KLHL13: variants seen among roughly 807,000 people sequenced by gnomAD.
The protein encoded by KLHL13 is kelch-like protein 13.
KLHL13 carries 10 observed loss-of-function variants against 37.1 expected under a neutral mutation model. That is an observed-to-expected ratio of 0.27 (90% CI 0.17 to 0.46). The LOEUF is 0.46. KLHL13 is among the 20% of genes least tolerant of loss of function. The probability of loss-of-function intolerance (pLI) is 1.00; values close to 1 mark genes in which losing one functional copy is unlikely to be tolerated. For missense variants in KLHL13, 360 were observed against 509.3 expected (o/e 0.71, Z 2.82); for synonymous variants, 163 against 181.2 (o/e 0.90, Z 0.81).
intron 5 of KLHL13, among the ~76,000 whole-genome samples, chrX:117,902,378 C>G (rs1421047197): frequency 2.7e-5 from 3 of 111,916 alleles, no homozygotes; most frequent in Non-Finnish European, 5.7e-5. Context: ...CAAACTTTTA[C>G]ATTGAGAATG....
chrX:117,951,408 T>C (rs951640701), intron 1 of KLHL13, among the ~76,000 whole-genome samples: 1 of 112,080 alleles, frequency 8.9e-6, no homozygotes, highest in Non-Finnish European at 1.9e-5. Flanking sequence ...AGCTTGAAAG[T>C]AACATCTATT....
At chrX:118,063,038 G>C (rs762202430) in intron 1 of KLHL13, among the ~76,000 whole-genome samples, 3 of 111,598 alleles carry the variant, frequency 2.7e-5, no homozygotes, top group Non-Finnish European at 5.7e-5. Flanking sequence ...ACTGACTGCC[G>C]GTAGTGCTTT....
At chrX:117,932,966 G>T (rs1932537742) in intron 2 of KLHL13, among the ~76,000 whole-genome samples, 1 of 111,366 alleles carries the variant, frequency 9.0e-6, no homozygotes, top group African/African-American at 3.3e-5. Flanking sequence ...GATAATTAGT[G>T]TTGTTGTGTA....
chrX:117,961,117 T>C (rs1041638450), intron 1 of KLHL13, among the ~76,000 whole-genome samples: 2 of 112,009 alleles, frequency 1.8e-5, no homozygotes, highest in Non-Finnish European at 3.8e-5. Flanking sequence ...GCCTATTTTA[T>C]AAAATGTAGA....
At chrX:118,081,465 C>T (rs766020357) in intron 1 of KLHL13, among the ~76,000 whole-genome samples, 1 of 110,501 alleles carries the variant, frequency 9.0e-6, no homozygotes, top group South Asian at 3.9e-4. Context: ...TTTTTTTTAA[C>T]TGATACATAA....
intron 1 of KLHL13, among the ~76,000 whole-genome samples, chrX:118,089,588 A>G (rs866898362): frequency 1.2e-5 from 1 of 80,148 alleles, no homozygotes; most frequent in Admixed American, 1.4e-4. Context: ...AAGAAAAGAA[A>G]AGAGAGAGAG....
chrX:118,082,913 T>C (rs978538825), intron 1 of KLHL13, among the ~76,000 whole-genome samples: 16 of 111,651 alleles, frequency 1.4e-4, no homozygotes, highest in African/African-American at 3.9e-4. Context: ...GCTGTATATA[T>C]GTGTATTTGT....
chrX:117,905,410 C>G (rs185950479), intron 5 of KLHL13, among the ~76,000 whole-genome samples: 2 of 111,269 alleles, frequency 1.8e-5, no homozygotes, highest in East Asian at 2.8e-4. Flanking sequence ...CTAAGCCTCC[C>G]CTAGTTTCCC....
rs190855479 is a variant in KLHL13, at chrX:117,934,714, T to C, written c.240+10720A>G. Among the ~76,000 whole-genome samples, 260 of 110,260 alleles carry C rather than the reference T, an allele frequency of 2.4e-3. 1 individual carries two copies. Among genetic ancestry groups the C allele is most frequent in the African/African-American group, 8.2e-3 (251 of 30,474 alleles). ...ATAATATATATGTGTGTATGAACCC[T>C]TACTACTGAGTAATAAAAAGATAAA... On this transcript the variant is annotated intron_variant, in intron 2 of 6. Coordinates refer to ENST00000262820, the Ensembl canonical transcript of KLHL13.
Position 118,020,914 on chromosome X carries a change from T to C in KLHL13, c.-55-75339A>G, listed in dbSNP as rs759269861. Among the ~76,000 whole-genome samples, 6 of 98,689 alleles carry C rather than the reference T, an allele frequency of 6.1e-5. 1 individual carries two copies. The highest frequency in any genetic ancestry group is 2.3e-4 in the African/African-American group (6 of 26,522). 85.7% of individuals were successfully genotyped at this position (98,689 alleles called of 115,157 possible). A position where few individuals can be genotyped will look rare whatever the true frequency, so the allele number is the denominator to read the frequency against. ...GGACAGAAAACCAAACACCGCATAT[T>C]CTCACTCATAGGTGGGAATTGAACA... On this transcript the variant is annotated intron_variant, in intron 1 of 6. Coordinates refer to the KLHL13 transcript ENST00000371882.
intron 1 of KLHL13, among the ~76,000 whole-genome samples, chrX:118,101,458 A>G (rs1039157435): frequency 2.7e-5 from 3 of 111,770 alleles, no homozygotes; most frequent in African/African-American, 9.8e-5. Context: ...CACTACTTGT[A>G]ATACAGGTTG....
At chrX:118,089,106 G>A (rs1238609978) in intron 1 of KLHL13, among the ~76,000 whole-genome samples, 1 of 111,357 alleles carries the variant, frequency 9.0e-6, no homozygotes, top group East Asian at 2.8e-4. Context: ...AAACACTACA[G>A]AAAAAAATAT....
At chrX:118,031,689 C>A (rs752451231) in intron 1 of KLHL13, among the ~76,000 whole-genome samples, 67 of 99,566 alleles carry the variant, frequency 6.7e-4, no homozygotes, top group African/African-American at 2.4e-3. Context: ...AAATTTTTAG[C>A]CAGATCATAT....
intron 1 of KLHL13, among the ~76,000 whole-genome samples, chrX:118,010,907 T>TA (rs1387868979): frequency 1.9e-5 from 2 of 106,603 alleles, no homozygotes; most frequent in Admixed American, 2.0e-4. Flanking sequence ...ACCCCATTTC[T>TA]AAAAAAAATA....
At chrX:118,042,648 A>G (rs1308183994) in intron 1 of KLHL13, among the ~76,000 whole-genome samples, 3 of 111,974 alleles carry the variant, frequency 2.7e-5, no homozygotes, top group Admixed American at 9.5e-5. Context: ...CTCTCACAGC[A>G]GATTTTATAA....
At chrX:118,084,703 C>G (rs2055033736) in intron 1 of KLHL13, among the ~76,000 whole-genome samples, 1 of 111,195 alleles carries the variant, frequency 9.0e-6, no homozygotes, top group African/African-American at 3.3e-5. Flanking sequence ...ATAAAACATC[C>G]AAATGACACA....
intron 1 of KLHL13, among the ~76,000 whole-genome samples, chrX:117,968,472 T>C (rs754925572): frequency 8.9e-6 from 1 of 112,001 alleles, no homozygotes; most frequent in South Asian, 3.7e-4. Context: ...GCTCAGACAA[T>C]GCAAATTCCC....
At chrX:117,923,828 T>C (rs1363365676) in intron 2 of KLHL13, among the ~76,000 whole-genome samples, 1 of 111,727 alleles carries the variant, frequency 9.0e-6, no homozygotes, top group Non-Finnish European at 1.9e-5. Context: ...TTCACAGATT[T>C]TATCATTTTG....
exon 1 of KLHL13, chrX:117,973,623 T>C: frequency 2.3e-6 from 2 of 872,355 alleles, no homozygotes; most frequent in Non-Finnish European, 2.8e-6. Flanking sequence ...CTCCTTTCCC[T>C]ATTCTTATTT....
Sources: allele counts gnomAD v4.1 joint callset (sites outside exome capture counted in the v4.1 genomes callset), GRCh38; gene constraint gnomAD v4.1.1; transcripts MANE v1.5; gene names NCBI Gene and HGNC (gene_info 2026-07-23, HGNC 2026-07-21).